ANO2: variants seen among roughly 807,000 people sequenced by gnomAD.
ANO2 encodes the protein anoctamin 2.
A neutral mutation model predicts 124.2 loss-of-function variants in ANO2; 101 were observed. The ratio of observed to expected loss-of-function variants is 0.81; its 90% CI spans 0.69 to 0.96. The LOEUF is 0.96. ANO2 is among the 40% of genes least tolerant of loss of function. The pLI, the probability that ANO2 is intolerant of heterozygous loss-of-function variation, is 0.00. For synonymous variants in ANO2, 486 were observed against 482.5 expected (o/e 1.01, Z -0.09); for missense variants, 1,293 against 1,274.5 (o/e 1.01, Z -0.22).
intron 14 of ANO2, among the ~76,000 whole-genome samples, chr12:5,656,066 A>G (rs1000539137): frequency 1.3e-5 from 2 of 152,190 alleles, no homozygotes; most frequent in Non-Finnish European, 2.9e-5. Context: ...TAAAACCAAC[A>G]CTGCAGATGA....
Position 5,647,728 on chromosome 12 carries a change from A to T in ANO2, c.1619T>A (p.Met540Lys), listed in dbSNP as rs1343371430. Residue 540 changes from methionine to lysine, a missense_variant and splice_region_variant, in exon 15 of 25, where the codon ATG (methionine) becomes AAG (lysine). Coordinates refer to ENST00000682330, the MANE Select transcript of ANO2 (RefSeq NM_001364791.2). Reference protein sequence around the residue: ...YLMNFASILFMIALTFSIVFG... With the variant: ...YLMNFASILFKIALTFSIVFG... Reference sequence around the variant, plus strand: ...CAAGTGGTCCCTCAAGGAAATTACCATGAATAAGATGGAGGCAAAGTTCAT... The same window carrying T: ...CAAGTGGTCCCTCAAGGAAATTACCTTGAATAAGATGGAGGCAAAGTTCAT... The T allele has an allele frequency of 6.2e-7, 1 of 1,608,626 alleles. No individual in the cohort carries two copies. The highest frequency in any genetic ancestry group is 8.5e-7 in the Non-Finnish European group (1 of 1,177,540).
chr12:5,741,513 C>G (rs191165702), intron 12 of ANO2, among the ~76,000 whole-genome samples: 1 of 152,074 alleles, frequency 6.6e-6, no homozygotes, highest in African/African-American at 2.4e-5. Flanking sequence ...CCTTGGTTCC[C>G]GAGGAGGGCT....
chr12:5,747,717 C>T (rs1158706396), intron 11 of ANO2, among the ~76,000 whole-genome samples: 1 of 152,150 alleles, frequency 6.6e-6, no homozygotes, highest in African/African-American at 2.4e-5. Flanking sequence ...AATGAAGCAA[C>T]ACTTACCCAT....
At chr12:5,844,669 C>A (rs1954623831) in intron 4 of ANO2, among the ~76,000 whole-genome samples, 1 of 152,140 alleles carries the variant, frequency 6.6e-6, no homozygotes, top group Non-Finnish European at 1.5e-5. Flanking sequence ...AAGACAATAT[C>A]ATTTTTAAAA....
At chr12:5,810,692 A>G (rs1458898136) in intron 7 of ANO2, among the ~76,000 whole-genome samples, 1 of 152,218 alleles carries the variant, frequency 6.6e-6, no homozygotes, top group East Asian at 1.9e-4. Context: ...ATAGCCCCTG[A>G]GGAGCCCCTT....
Position 5,939,213 on chromosome 12 carries a change from C to CAAAAAAA in ANO2, c.22+5976_22+5982dup, listed in dbSNP as rs34787622. Among the ~76,000 whole-genome samples the CAAAAAAA allele has an allele frequency of 4.5e-3, 380 of 84,790 alleles. 3 individuals are homozygous for CAAAAAAA. Among genetic ancestry groups the CAAAAAAA allele is most frequent in the East Asian group, 0.013 (29 of 2,318 alleles). 55.6% of individuals were successfully genotyped at this position (84,790 alleles called of 152,430 possible). On this transcript the variant is annotated intron_variant, in intron 1 of 24. Transcript: ENST00000682330. ...GCCTAGTGACAGAGCAAGACTCCAA[C>CAAAAAAA]AAAAAAAAAAAAAAAAAAAAAACTT...
chr12:5,647,606 C>T lies in ANO2; in HGVS notation c.1620+121G>A, dbSNP rs533372345. ...CAAGATCCTGCCCCTCTACACAGGA[C>T]TGTGGCTTCCCCTTTACCAGCCTCT... On this transcript the variant is annotated intron_variant, in intron 15 of 24. Coordinates refer to ENST00000682330, the MANE Select transcript of ANO2 (RefSeq NM_001364791.2). 7 of 841,896 alleles carry T rather than the reference C, an allele frequency of 8.3e-6. No homozygotes were observed. In the South Asian group the frequency reaches 1.1e-4, roughly 13 times the overall value. The allele number at this position is 841,896 out of a possible 1,614,324, so 52.2% of individuals were successfully genotyped here.
chr12:5,743,332 G>A (rs1951164808), intron 12 of ANO2, among the ~76,000 whole-genome samples: 1 of 152,200 alleles, frequency 6.6e-6, no homozygotes, highest in African/African-American at 2.4e-5. Flanking sequence ...TCGGTGATGA[G>A]TAAAGGAGCA....
At chr12:5,810,839 G>T (rs1418438330) in intron 7 of ANO2, among the ~76,000 whole-genome samples, 1 of 152,196 alleles carries the variant, frequency 6.6e-6, no homozygotes, top group East Asian at 1.9e-4. Flanking sequence ...CATCTGTGCA[G>T]CCTGACACAA....
chr12:5,869,147 G>A (rs1419037111), intron 3 of ANO2, among the ~76,000 whole-genome samples: 1 of 152,120 alleles, frequency 6.6e-6, no homozygotes, highest in Non-Finnish European at 1.5e-5. Context: ...TGGAAACTGT[G>A]GGTCCCATCC....
intron 16 of ANO2, among the ~76,000 whole-genome samples, chr12:5,630,561 T>C (rs191834162): frequency 6.6e-6 from 1 of 152,212 alleles, no homozygotes; most frequent in East Asian, 1.9e-4. Flanking sequence ...GCAGACAGAG[T>C]TGAAATAAGG....
At chr12:5,697,540 CG>C (rs1302020668) in intron 14 of ANO2, among the ~76,000 whole-genome samples, 3 of 152,196 alleles carry the variant, frequency 2.0e-5, no homozygotes, top group African/African-American at 7.2e-5. Flanking sequence ...ATGCAGAAGA[CG>C]GATGATTTCT....
chr12:5,931,319 G>C (rs1303662532), intron 1 of ANO2, among the ~76,000 whole-genome samples: 1 of 151,996 alleles, frequency 6.6e-6, no homozygotes, highest in East Asian at 1.9e-4. Flanking sequence ...ACCATTCTTT[G>C]GGAGGTTGGG....
chr12:5,848,172 T>C (rs957468203), intron 4 of ANO2, among the ~76,000 whole-genome samples: 2 of 152,234 alleles, frequency 1.3e-5, no homozygotes, highest in African/African-American at 4.8e-5. Flanking sequence ...GTATTGTTCA[T>C]GTCATTTACA....
intron 11 of ANO2, among the ~76,000 whole-genome samples, chr12:5,745,325 G>T (rs1022835099): frequency 6.6e-6 from 1 of 152,192 alleles, no homozygotes; most frequent in African/African-American, 2.4e-5. Flanking sequence ...AGGGGGAAAG[G>T]GTGGAGAACT....
At chr12:5,628,692 G>A (rs1426985966) in intron 16 of ANO2, among the ~76,000 whole-genome samples, 18 of 152,208 alleles carry the variant, frequency 1.2e-4, no homozygotes, top group South Asian at 2.1e-4. Flanking sequence ...GTGTGTGCGC[G>A]CGCGCACGCG....
chr12:5,725,853 A>T (rs2137058293), intron 14 of ANO2, among the ~76,000 whole-genome samples: 1 of 152,142 alleles, frequency 6.6e-6, no homozygotes, highest in Admixed American at 6.5e-5. Flanking sequence ...CTGCTGACCC[A>T]CGTAGAATGA....
intron 19 of ANO2, among the ~76,000 whole-genome samples, chr12:5,609,944 T>C (rs541492038): frequency 6.9e-6 from 1 of 144,982 alleles, no homozygotes; most frequent in Non-Finnish European, 1.5e-5. Flanking sequence ...TAGATATATT[T>C]TATAAAATGT....
chr12:5,887,493 C>T (rs1434529393), intron 3 of ANO2, among the ~76,000 whole-genome samples: 2 of 152,226 alleles, frequency 1.3e-5, no homozygotes, highest in African/African-American at 2.4e-5. Flanking sequence ...TCAGCAGAGC[C>T]TGCCAACAGC....
Sources: gnomAD v4.1 joint callset for allele counts (sites outside exome capture counted in the v4.1 genomes callset) on GRCh38, gnomAD v4.1.1 for gene constraint, MANE v1.5 for transcripts, NCBI Gene and HGNC (gene_info 2026-07-23, HGNC 2026-07-21) for gene names.